TENM3: variants seen among roughly 807,000 people sequenced by gnomAD.
TENM3 encodes the protein teneurin-3.
Under a neutral mutation model 255.1 loss-of-function variants are expected in TENM3, and 63 were observed. That is an observed-to-expected ratio of 0.25 (90% CI 0.20 to 0.30). The LOEUF is 0.30. TENM3 is among the 10% of genes least tolerant of loss of function. TENM3 has a pLI of 1.00. For missense variants in TENM3, 2,929 were observed against 3,461.1 expected (o/e 0.85, Z 3.86); for synonymous variants, 1,306 against 1,322.3 (o/e 0.99, Z 0.27).
Position 182,234,151 on chromosome 4 carries a change from G to A in TENM3, c.-76+89397G>A, listed in dbSNP as rs562698891. On this transcript the variant is annotated intron_variant, in intron 1 of 2. Coordinates refer to the TENM3 transcript ENST00000512480. ...CATGGCACCTGTCAGTTCTTTCCAC[G>A]TTAACAACCCTTGGATTGTCAGTCT... 6.6e-5 allele frequency among the ~76,000 whole-genome samples: 10 copies of A among 152,186 alleles called. No individual in the cohort carries two copies. In the East Asian group the frequency reaches 1.2e-3, roughly 18 times the overall value.
the TENM3 span, among the ~76,000 whole-genome samples, chr4:181,517,518 A>G: frequency 6.6e-6 from 1 of 152,336 alleles, no homozygotes; most frequent in South Asian, 2.1e-4. Flanking sequence ...ACCAATTATT[A>G]CAGAAATGCT....
the TENM3 span, among the ~76,000 whole-genome samples, chr4:181,580,881 G>C: frequency 6.6e-6 from 1 of 152,182 alleles, no homozygotes; most frequent in Non-Finnish European, 1.5e-5. Context: ...AATGAGGAGA[G>C]GAGGTTTTGC....
chr4:181,707,560 G>T, the TENM3 span, among the ~76,000 whole-genome samples: 1 of 152,126 alleles, frequency 6.6e-6, no homozygotes, highest in African/African-American at 2.4e-5. Context: ...TCCAAGAGTG[G>T]TTATGAAAAT....
the TENM3 span, among the ~76,000 whole-genome samples, chr4:181,955,509 G>A: frequency 6.6e-6 from 1 of 152,162 alleles, no homozygotes; most frequent in African/African-American, 2.4e-5. Flanking sequence ...ACCAGCCAGA[G>A]AGAGCCCCTG....
At chr4:181,512,473 G>C in the TENM3 span, among the ~76,000 whole-genome samples, 4 of 152,170 alleles carry the variant, frequency 2.6e-5, no homozygotes, top group South Asian at 2.1e-4. Flanking sequence ...TAAAGTGTGT[G>C]TTTATGAATT....
chr4:181,715,124 C>T, the TENM3 span, among the ~76,000 whole-genome samples: 1 of 152,172 alleles, frequency 6.6e-6, no homozygotes, highest in Admixed American at 6.6e-5. Context: ...AGTTTAATCC[C>T]ACACTTTGAG....
intron 3 of TENM3, among the ~76,000 whole-genome samples, chr4:182,399,234 A>G (rs1769063423): frequency 6.6e-6 from 1 of 152,198 alleles, no homozygotes; most frequent in Non-Finnish European, 1.5e-5. Context: ...ATTTTTGGTA[A>G]AATATTTTGG....
chr4:181,520,478 T>C, the TENM3 span, among the ~76,000 whole-genome samples: 11 of 152,106 alleles, frequency 7.2e-5, no homozygotes, highest in African/African-American at 2.7e-4. Flanking sequence ...GAAAGGCACA[T>C]GACTGAAAGA....
At chr4:181,644,825 A>G in the TENM3 span, among the ~76,000 whole-genome samples, 1 of 152,152 alleles carries the variant, frequency 6.6e-6, no homozygotes, top group Non-Finnish European at 1.5e-5. Flanking sequence ...TGATTTTAAG[A>G]GCCCTGGAAT....
chr4:181,701,345 C>T, the TENM3 span, among the ~76,000 whole-genome samples: 1 of 152,180 alleles, frequency 6.6e-6, no homozygotes, highest in African/African-American at 2.4e-5. Context: ...AATAGGCAAA[C>T]AGATAAAAAC....
At chr4:181,848,349 T>C in the TENM3 span, among the ~76,000 whole-genome samples, 1 of 152,170 alleles carries the variant, frequency 6.6e-6, no homozygotes, top group Non-Finnish European at 1.5e-5. Flanking sequence ...AGATTGTTGG[T>C]GATGAAGCCA....
At chr4:181,595,362 C>T in the TENM3 span, among the ~76,000 whole-genome samples, 2 of 138,450 alleles carry the variant, frequency 1.4e-5, no homozygotes, top group South Asian at 2.4e-4. Flanking sequence ...ACCCAGGAGG[C>T]GGAGGCTGCA....
At chr4:181,812,365 A>T in the TENM3 span, among the ~76,000 whole-genome samples, 1 of 152,294 alleles carries the variant, frequency 6.6e-6, no homozygotes, top group Middle Eastern at 3.4e-3. Context: ...TTAGTTTTTC[A>T]GTTGCTGCTT....
chr4:182,039,799 C>G, the TENM3 span, among the ~76,000 whole-genome samples: 1 of 148,354 alleles, frequency 6.7e-6, no homozygotes, highest in Non-Finnish European at 1.5e-5. Context: ...AATGCTTAAA[C>G]GAATAAAAAG....
chr4:182,343,830 T>C (rs1764632146), intron 2 of TENM3, among the ~76,000 whole-genome samples: 1 of 152,144 alleles, frequency 6.6e-6, no homozygotes, highest in Admixed American at 6.5e-5. Flanking sequence ...TCCAGGGGTG[T>C]TTGCATTAAA....
At chr4:182,511,041 G>T (rs1283428404) in intron 3 of TENM3, among the ~76,000 whole-genome samples, 1 of 152,148 alleles carries the variant, frequency 6.6e-6, no homozygotes, top group African/African-American at 2.4e-5. Context: ...GCTGTGACAA[G>T]CCCATTGTGT....
chr4:181,760,775 G>C, the TENM3 span, among the ~76,000 whole-genome samples: 1 of 149,148 alleles, frequency 6.7e-6, no homozygotes, highest in African/African-American at 2.6e-5. Flanking sequence ...TATGGTTGAT[G>C]ATTCTCTCCT....
chr4:182,746,732 A>G (rs1303787605), intron 19 of TENM3, among the ~76,000 whole-genome samples: 1 of 152,204 alleles, frequency 6.6e-6, no homozygotes, highest in African/African-American at 2.4e-5. Flanking sequence ...GATACCTAAA[A>G]CAGGATGGTT....
intron 6 of TENM3, among the ~76,000 whole-genome samples, chr4:182,661,931 T>C (rs1754262288): frequency 6.6e-6 from 1 of 152,232 alleles, no homozygotes; most frequent in African/African-American, 2.4e-5. Flanking sequence ...ATTCATGATA[T>C]ATATGGCAGA....
Sources: allele counts gnomAD v4.1 joint callset (sites outside exome capture counted in the v4.1 genomes callset), GRCh38; gene constraint gnomAD v4.1.1; transcripts MANE v1.5; gene names NCBI Gene and HGNC (gene_info 2026-07-23, HGNC 2026-07-21).